The following NAALADL2 variants were observed in gnomAD, a reference collection of about 807,000 sequenced individuals.
The protein encoded by NAALADL2 is inactive N-acetylated-alpha-linked acidic dipeptidase-like protein 2.
In NAALADL2, 76 loss-of-function variants were observed where a neutral mutation model predicts 87.2. The ratio of observed to expected loss-of-function variants is 0.87; its 90% CI spans 0.72 to 1.05. The LOEUF (loss-of-function observed/expected upper bound fraction) is 1.05, where lower values mean the gene tolerates loss of function less well. NAALADL2 is among the 50% of genes least tolerant of loss of function. The pLI is 0.00. For synonymous variants in NAALADL2, 354 were observed against 331.0 expected, an observed-to-expected ratio of 1.07 and a Z score of -0.75; for missense variants, 1,089 against 945.8, an observed-to-expected ratio of 1.15 and a Z score of -1.99.
chr3:174,696,935 G>A lies in NAALADL2; in HGVS notation c.-114-40706G>A, dbSNP rs192916151. Among the ~76,000 whole-genome samples, 48 of 152,112 alleles carry A rather than the reference G, an allele frequency of 3.2e-4. 1 individual carries two copies. The East Asian group carries it at 9.2e-3, about 29-fold the overall frequency. On this transcript the variant is annotated intron_variant, in intron 2 of 3. Transcript: ENST00000434257. ...CTGGTTCAACAAGTGTAAAATTCAA[G>A]GCAGCTGGTTTTAAGCAGAACAAGA...
rs557691175 is a variant in NAALADL2, at chr3:175,029,010, C to T, written c.44-67780C>T. ...ATTAGATGAATATTATGCAGTCTCT[C>T]CATGAAAAATTACATATATGTAAAA... is the stretch of plus-strand genomic sequence containing the variant. On this transcript the variant is annotated intron_variant, in intron 1 of 13. Coordinates refer to ENST00000454872, the MANE Select transcript of NAALADL2 (RefSeq NM_207015.3). Among the ~76,000 whole-genome samples the T allele has an allele frequency of 1.6e-4, 23 of 148,138 alleles. No homozygotes were observed. The East Asian group carries it at 4.5e-3, about 29-fold the overall frequency.
chr3:175,560,371 TTCAGGAAA>T (rs111800217), intron 9 of NAALADL2, among the ~76,000 whole-genome samples: 5,169 of 152,220 alleles, frequency 0.034, 296 homozygotes, highest in African/African-American at 0.12. Context: ...TGTTTATCTT[TTCAGGAAA>T]TCAGCTTTTT....
intron 2 of NAALADL2, among the ~76,000 whole-genome samples, chr3:175,229,213 CAA>C (rs1023644195): frequency 7.1e-6 from 1 of 141,590 alleles, no homozygotes; most frequent in Admixed American, 7.0e-5. Flanking sequence ...TGTAGTAAAA[CAA>C]AAAAAAAAGT....
intron 9 of NAALADL2, among the ~76,000 whole-genome samples, chr3:175,523,641 G>A (rs1732982452): frequency 6.6e-6 from 1 of 152,242 alleles, no homozygotes; most frequent in South Asian, 2.1e-4. Context: ...ACAAGGGAGG[G>A]AAAGGGGTTC....
At chr3:174,835,154 GT>G (rs913579481) in intron 3 of NAALADL2, among the ~76,000 whole-genome samples, 16 of 151,934 alleles carry the variant, frequency 1.1e-4, no homozygotes, top group African/African-American at 3.9e-4. Context: ...ATAGTGAATT[GT>G]TTTTGTCAAG....
At chr3:175,690,841 T>C (rs952724938) in intron 11 of NAALADL2, among the ~76,000 whole-genome samples, 2 of 152,032 alleles carry the variant, frequency 1.3e-5, no homozygotes, top group African/African-American at 2.4e-5. Flanking sequence ...AGTGTAAAAA[T>C]AGTGATAATA....
chr3:175,042,260 T>C (rs1754161350), intron 1 of NAALADL2, among the ~76,000 whole-genome samples: 1 of 152,184 alleles, frequency 6.6e-6, no homozygotes, highest in African/African-American at 2.4e-5. Context: ...TCCTTCTTTG[T>C]TGAAGCCAAA....
chr3:175,073,867 CAGTT>C (rs1716107140), intron 1 of NAALADL2, among the ~76,000 whole-genome samples: 1 of 152,188 alleles, frequency 6.6e-6, no homozygotes, highest in East Asian at 1.9e-4. Context: ...AAGAAAACCT[CAGTT>C]AGGACTTCTT....
intron 2 of NAALADL2, among the ~76,000 whole-genome samples, chr3:175,200,419 A>T (rs1329756651): frequency 6.6e-6 from 1 of 152,178 alleles, no homozygotes; most frequent in Non-Finnish European, 1.5e-5. Flanking sequence ...GTGTTTAAAC[A>T]TAACTGAAAA....
At chr3:175,688,539 T>C (rs1333892268) in intron 11 of NAALADL2, among the ~76,000 whole-genome samples, 1 of 152,138 alleles carries the variant, frequency 6.6e-6, no homozygotes, top group Non-Finnish European at 1.5e-5. Context: ...AAAATGTCAA[T>C]TCCTTGCTGT....
chr3:175,328,086 A>G (rs1298105441), intron 5 of NAALADL2, among the ~76,000 whole-genome samples: 1 of 152,168 alleles, frequency 6.6e-6, no homozygotes, highest in Non-Finnish European at 1.5e-5. Context: ...ACATTATTGT[A>G]TTAGCTTAGT....
chr3:174,507,105 A>C (rs1383228013), intron 1 of NAALADL2, among the ~76,000 whole-genome samples: 1 of 152,080 alleles, frequency 6.6e-6, no homozygotes, highest in African/African-American at 2.4e-5. Context: ...TAATTATTTA[A>C]ATTTTTCTTC....
intron 2 of NAALADL2, among the ~76,000 whole-genome samples, chr3:175,152,334 T>A (rs1731671156): frequency 6.6e-6 from 1 of 152,188 alleles, no homozygotes; most frequent in Non-Finnish European, 1.5e-5. Context: ...TAATACAAAC[T>A]TGTTTTATAG....
At chr3:174,624,235 C>T (rs1721327846) in intron 2 of NAALADL2, among the ~76,000 whole-genome samples, 1 of 152,004 alleles carries the variant, frequency 6.6e-6, no homozygotes, top group Non-Finnish European at 1.5e-5. Flanking sequence ...ACCCACAGAC[C>T]ATTTTAGAAT....
intron 3 of NAALADL2, among the ~76,000 whole-genome samples, chr3:174,803,974 A>G (rs148487077): frequency 0.015 from 2,290 of 152,182 alleles, 33 homozygotes; most frequent in Non-Finnish European, 0.024. Context: ...TTCCATATGA[A>G]CTTTAAAGTA....
At chr3:175,401,940 G>A (rs572985134) in intron 5 of NAALADL2, among the ~76,000 whole-genome samples, 8 of 151,988 alleles carry the variant, frequency 5.3e-5, no homozygotes, top group African/African-American at 1.9e-4. Flanking sequence ...TTTGGTGGCA[G>A]GAGATGTTAA....
intron 11 of NAALADL2, among the ~76,000 whole-genome samples, chr3:175,702,929 A>T (rs1739185642): frequency 6.6e-6 from 1 of 152,078 alleles, no homozygotes; most frequent in Non-Finnish European, 1.5e-5. Context: ...AAAAAAAAGG[A>T]GAGTAGAGTG....
At chr3:175,781,793 G>T (rs1751140834) in intron 13 of NAALADL2, among the ~76,000 whole-genome samples, 1 of 151,558 alleles carries the variant, frequency 6.6e-6, no homozygotes, top group Non-Finnish European at 1.5e-5. Context: ...CATGTGCCAT[G>T]CTGGTGTGCT....
Position 174,557,995 on chromosome 3 carries a change from A to T in NAALADL2, c.-115+7358A>T, listed in dbSNP as rs878348. Among the ~76,000 whole-genome samples, 257 of 152,168 alleles carry T rather than the reference A, an allele frequency of 1.7e-3. 6 individuals are homozygous for T. The South Asian group carries it at 0.052, about 31-fold the overall frequency. ...TCTGCACCCAAGATTTTTACTGGGG[A>T]GTGGTCAGGGAGGCACCCTCTGCCT... is the stretch of plus-strand genomic sequence containing the variant. On this transcript the variant is annotated intron_variant, in intron 2 of 3. Transcript: ENST00000434257.
Sources: allele counts gnomAD v4.1 joint callset (sites outside exome capture counted in the v4.1 genomes callset), GRCh38; gene constraint gnomAD v4.1.1; transcripts MANE v1.5; gene names NCBI Gene and HGNC (gene_info 2026-07-23, HGNC 2026-07-21).